CDC16: variants seen among roughly 807,000 people sequenced by gnomAD.
CDC16 encodes cell division cycle 16.
A neutral mutation model predicts 87.0 loss-of-function variants in CDC16; 34 were observed. The ratio of observed to expected loss-of-function variants is 0.39; its 90% CI spans 0.30 to 0.52. CDC16 has a LOEUF of 0.52. CDC16 is among the 20% of genes least tolerant of loss of function. CDC16 has a pLI of 0.74. For missense variants in CDC16, 653 were observed against 751.9 expected (o/e 0.87, Z 1.54); for synonymous variants, 263 against 260.6 (o/e 1.01, Z -0.09).
At chr13:114,269,423 G>A (rs532201310) in intron 17 of CDC16, among the ~76,000 whole-genome samples, 2 of 150,956 alleles carry the variant, frequency 1.3e-5, no homozygotes, top group East Asian at 3.9e-4. Flanking sequence ...TGATTCATTG[G>A]GGTGGGTATT....
chr13:114,243,387 ATATCT>A (rs2081659759), intron 7 of CDC16, 39 bp downstream of exon 7: 9 of 958,092 alleles, frequency 9.4e-6, no homozygotes, highest in Admixed American at 3.7e-5. Context: ...CTTTATGTAA[ATATCT>A]TATTCCATAA....
At chr13:114,271,325 TTTTG>T (rs2083638576) in intron 17 of CDC16, among the ~76,000 whole-genome samples, 1 of 152,214 alleles carries the variant, frequency 6.6e-6, no homozygotes, top group African/African-American at 2.4e-5. Context: ...GTAAAACTCA[TTTTG>T]TTTATGTCGA....
intron 17 of CDC16, among the ~76,000 whole-genome samples, chr13:114,271,904 G>A (rs755791279): frequency 5.4e-4 from 82 of 152,234 alleles, no homozygotes; most frequent in Middle Eastern, 3.2e-3. Flanking sequence ...ATGTGCTTCT[G>A]AAAGTCTTCT....
At position 114,243,824 on chromosome 13, in the gene CDC16, T is replaced by A. The variant is rs780468090; in HGVS notation, c.634-32T>A. On this transcript the variant is annotated intron_variant, in intron 7 of 17. Coordinates refer to ENST00000356221, the MANE Select transcript of CDC16 (RefSeq NM_001078645.3). ...CACATTTTATTTTGTTTTTGCTCAT[T>A]GAGTTTATGTTTACATTTCTATGTG... 1.3e-5 allele frequency: 20 copies of A among 1,572,158 alleles called. No homozygotes were observed. In the East Asian group the frequency reaches 4.3e-4, roughly 34 times the overall value.
chr13:114,264,948 C>G, intron 16 of CDC16: 5 of 484,984 alleles, frequency 1.0e-5, no homozygotes, highest in Non-Finnish European at 1.9e-5. Context: ...GGGTAGATTT[C>G]CAGCATAAGA....
intron 16 of CDC16, 33 bp downstream of exon 16, chr13:114,263,047 T>G (rs938797744): frequency 1.3e-6 from 2 of 1,585,152 alleles, no homozygotes; most frequent in Middle Eastern, 1.7e-4. Context: ...ATTTTAAATC[T>G]GGTTAACATT....
At position 114,244,988 on chromosome 13, in the gene CDC16, TTAAAG is replaced by T. The variant is rs772502922; in HGVS notation, c.847+23_847+27del. Reference sequence around the variant, plus strand: ...GCCAATGGTAAGACTTTTTTTTAAATTAAAGTAATTCTTAGACATAAAACAAATCT... The same window carrying T: ...GCCAATGGTAAGACTTTTTTTTAAATTAATTCTTAGACATAAAACAAATCT... On this transcript the variant is annotated intron_variant, in intron 9 of 17. Coordinates refer to ENST00000356221, the MANE Select transcript of CDC16 (RefSeq NM_001078645.3). 1.3e-4 allele frequency: 176 copies of T among 1,391,132 alleles called. No homozygotes were observed. Among genetic ancestry groups the T allele is most frequent in the Non-Finnish European group, 1.7e-4 (169 of 993,002 alleles). 86.2% of individuals were successfully genotyped at this position (1,391,132 alleles called of 1,614,324 possible).
chr13:114,257,784 G>A (rs758591921), intron 13 of CDC16, among the ~76,000 whole-genome samples: 2 of 151,622 alleles, frequency 1.3e-5, no homozygotes, highest in East Asian at 3.9e-4. Flanking sequence ...AGTTTTTTTT[G>A]GTTTTTGTTT....
Position 114,243,983 on chromosome 13 carries a change from CT to C in CDC16, c.763del (p.Ser255LeufsTer2). The C allele has an allele frequency of 6.2e-7, 1 of 1,607,652 alleles. No homozygotes were observed. The highest frequency in any genetic ancestry group is 8.5e-7 in the Non-Finnish European group (1 of 1,174,968). On this transcript the variant is annotated frameshift_variant, in exon 8 of 18. Transcript: ENST00000356221. LOFTEE classifies it high-confidence loss of function. ...NCDFKMCYKL[T>X]SVVMEKDPFH... The stretch of plus-strand genomic sequence containing the variant: ...GATTTTAAAATGTGCTACAAGCTTA[CT>C]TCTGTGTAAGTATATCCATCCATTT...
chr13:114,266,541 C>T (rs778685211), intron 17 of CDC16, among the ~76,000 whole-genome samples: 1 of 152,220 alleles, frequency 6.6e-6, no homozygotes, highest in Non-Finnish European at 1.5e-5. Flanking sequence ...GTCACTGATG[C>T]ACTTGTGTGG....
chr13:114,259,417 G>A lies in CDC16; in HGVS notation c.1314+19G>A. ...GAACGAGGTATTCTTTGTAGTACCTGTAAATATACACATATACACCCCTGA... is the reference window on the plus strand; with the variant it reads ...GAACGAGGTATTCTTTGTAGTACCTATAAATATACACATATACACCCCTGA... On this transcript the variant is annotated intron_variant, in intron 14 of 17. Transcript: ENST00000356221. 7.0e-7 allele frequency: 1 copy of A among 1,429,544 alleles called. No individual in the cohort carries two copies. The highest frequency in any genetic ancestry group is 9.5e-7 in the Non-Finnish European group (1 of 1,051,406). The allele number at this position is 1,429,544 out of a possible 1,614,324, so 88.6% of individuals were successfully genotyped here. A position where few individuals can be genotyped will look rare whatever the true frequency, so the allele number is the denominator to read the frequency against.
chr13:114,236,462 G>A (rs2081254607), intron 1 of CDC16, among the ~76,000 whole-genome samples, 183 bp from the exon 2 acceptor site: 1 of 152,082 alleles, frequency 6.6e-6, no homozygotes, highest in Non-Finnish European at 1.5e-5. Flanking sequence ...TTGCGACACT[G>A]AACTAAAATT....
intron 3 of CDC16, among the ~76,000 whole-genome samples, chr13:114,237,178 C>T (rs111722278): frequency 4.0e-5 from 6 of 151,178 alleles, no homozygotes; most frequent in South Asian, 2.1e-4. Flanking sequence ...GAGCTGAGTT[C>T]GTGCATTGCA....
At chr13:114,264,606 G>T (rs1463388072) in intron 16 of CDC16, among the ~76,000 whole-genome samples, 2 of 151,934 alleles carry the variant, frequency 1.3e-5, no homozygotes, top group African/African-American at 2.4e-5. Flanking sequence ...TCTGTATGGA[G>T]ATAGAACTTC....
rs771386920 is a variant in CDC16 at position 114,250,647 on chromosome 13, A to T, written c.1070A>T (p.Tyr357Phe). The T allele has an allele frequency of 9.3e-6, 15 of 1,613,968 alleles. No homozygotes were observed. In the Admixed American group the frequency reaches 2.5e-4, roughly 27 times the overall value. Residue 357 changes from tyrosine (Y) to phenylalanine (F), a missense_variant, in exon 12 of 18, where the codon TAC becomes TTC. Physicochemically the swap from Tyr to Phe is conservative, Grantham distance 22. Transcript: ENST00000356221. ...ESEHDQAMAA[Y>F]FTAAQLMKGC... ...GAGCACGACCAAGCGATGGCTGCTT[A>T]CTTCACAGCAGCACAGCTGATGAAA...
intron 1 of CDC16, among the ~76,000 whole-genome samples, chr13:114,236,422 A>T (rs928241948): frequency 6.6e-5 from 10 of 152,324 alleles, no homozygotes; most frequent in Middle Eastern, 3.4e-3. Context: ...CATAAGTTGC[A>T]TATACAAAGA....
chr13:114,269,906 A>T (rs1483320479), intron 17 of CDC16, among the ~76,000 whole-genome samples: 2 of 152,092 alleles, frequency 1.3e-5, no homozygotes. Flanking sequence ...GGGTTTCACC[A>T]TGTTGGCCAG....
chr13:114,258,544 C>G (rs538646412), intron 13 of CDC16, among the ~76,000 whole-genome samples: 1 of 152,268 alleles, frequency 6.6e-6, no homozygotes, highest in Non-Finnish European at 1.5e-5. Context: ...TTTTGTGTTA[C>G]AGAGGAAACA....
chr13:114,270,925 T>G (rs966799827), intron 17 of CDC16, among the ~76,000 whole-genome samples: 3,469 of 143,710 alleles, frequency 0.024, 151 homozygotes, highest in African/African-American at 0.086. Flanking sequence ...TTTTTTTTTT[T>G]TTTTTTTTTT....
Sources: allele counts gnomAD v4.1 joint callset (sites outside exome capture counted in the v4.1 genomes callset), GRCh38; gene constraint gnomAD v4.1.1; transcripts MANE v1.5; gene names NCBI Gene and HGNC (gene_info 2026-07-23, HGNC 2026-07-21).